Variants in GTF2B observed in about 807,000 individuals in gnomAD.
GTF2B encodes the protein transcription initiation factor IIB.
A neutral mutation model predicts 34.6 loss-of-function variants in GTF2B; 20 were observed. The ratio of observed to expected loss-of-function variants is 0.58; its 90% confidence interval spans 0.41 to 0.84. GTF2B has a LOEUF of 0.84. Ranked by LOEUF, GTF2B falls within the 40% of genes least tolerant of loss-of-function variation. GTF2B has a pLI of 0.00. For missense variants in GTF2B, 237 were observed against 393.3 expected (o/e 0.60, Z 3.36); for synonymous variants, 142 against 132.4 (o/e 1.07, Z -0.50).
At chr1:88,856,626 C>T (rs1256300567) in intron 6 of GTF2B, among the ~76,000 whole-genome samples, 1 of 151,764 alleles carries the variant, frequency 6.6e-6, no homozygotes, top group Non-Finnish European at 1.5e-5. Flanking sequence ...GGAATATATT[C>T]AGGGAGAAAA....
intron 2 of GTF2B, among the ~76,000 whole-genome samples, chr1:88,866,992 T>C (rs1476553920): frequency 1.3e-5 from 2 of 152,174 alleles, no homozygotes; most frequent in South Asian, 2.1e-4. Flanking sequence ...TAAACATCAC[T>C]AAACTTAGGA....
intron 1 of GTF2B, among the ~76,000 whole-genome samples, chr1:88,889,580 T>C (rs1022387861): frequency 6.6e-6 from 1 of 152,246 alleles, no homozygotes; most frequent in Non-Finnish European, 1.5e-5. Flanking sequence ...GCTCAGAGAA[T>C]GATTTGCCTG....
At chr1:88,871,146 CA>C (rs1673685865) in intron 2 of GTF2B, among the ~76,000 whole-genome samples, 1 of 152,124 alleles carries the variant, frequency 6.6e-6, no homozygotes, top group South Asian at 2.1e-4. Context: ...ATGTTATCCG[CA>C]AACATTGGCC....
intron 2 of GTF2B, among the ~76,000 whole-genome samples, chr1:88,881,585 T>C (rs1426664150): frequency 6.6e-6 from 1 of 152,168 alleles, no homozygotes; most frequent in African/African-American, 2.4e-5. Flanking sequence ...CACCTGCCCT[T>C]GTTTGGTAAT....
intron 3 of GTF2B, among the ~76,000 whole-genome samples, chr1:88,862,537 C>T (rs1026305802): frequency 2.6e-5 from 4 of 152,042 alleles, no homozygotes; most frequent in African/African-American, 7.2e-5. Flanking sequence ...AGTGTTAGAA[C>T]GTCTCAAAAA....
chr1:88,857,563 TA>T lies in GTF2B; in HGVS notation c.536-77del, dbSNP rs568012893. ...TCTTAAAATCTACCATTTCTAATTA[TA>T]AACATAATATACATTCTAATTGTAA... is the stretch of plus-strand genomic sequence containing the variant. On this transcript the variant is annotated intron_variant, in intron 5 of 6. Coordinates refer to ENST00000370500, the MANE Select transcript of GTF2B (RefSeq NM_001514.6). The T allele has an allele frequency of 3.7e-4, 267 of 719,772 alleles. 3 individuals carry two copies. The South Asian group carries it at 4.7e-3, about 13-fold the overall frequency. 44.6% of individuals were successfully genotyped at this position (719,772 alleles called of 1,614,324 possible).
intron 5 of GTF2B, among the ~76,000 whole-genome samples, chr1:88,857,806 C>A (rs1039641126): frequency 1.3e-5 from 2 of 149,658 alleles, no homozygotes; most frequent in Non-Finnish European, 3.0e-5. Flanking sequence ...CTCAGCCTCC[C>A]GAGTAGCTGG....
At chr1:88,888,255 G>A (rs115821954) in intron 1 of GTF2B, among the ~76,000 whole-genome samples, 1 of 152,166 alleles carries the variant, frequency 6.6e-6, no homozygotes, top group African/African-American at 2.4e-5. Flanking sequence ...AGTATTTGTG[G>A]TTTGGGGTAA....
chr1:88,877,832 G>C (rs935663617), intron 2 of GTF2B, among the ~76,000 whole-genome samples: 3 of 152,236 alleles, frequency 2.0e-5, no homozygotes, highest in Admixed American at 1.3e-4. Context: ...TCAGAAGGCT[G>C]AGGAAGGAGA....
intron 2 of GTF2B, among the ~76,000 whole-genome samples, chr1:88,867,515 G>A (rs1007928780): frequency 6.6e-6 from 1 of 151,698 alleles, no homozygotes; most frequent in African/African-American, 2.4e-5. Flanking sequence ...AAATAACCGT[G>A]GCCTTCAAAC....
chr1:88,857,621 T>A, intron 5 of GTF2B, 134 bp from the exon 6 acceptor site: 1 of 539,794 alleles, frequency 1.9e-6, no homozygotes, highest in Non-Finnish European at 3.3e-6. Context: ...GATGAAACCC[T>A]AATCATCTCA....
At chr1:88,877,908 G>T (rs1673850633) in intron 2 of GTF2B, among the ~76,000 whole-genome samples, 1 of 152,214 alleles carries the variant, frequency 6.6e-6, no homozygotes, top group South Asian at 2.1e-4. Context: ...TCCTGCCTGG[G>T]CGACAGAGCG....
chr1:88,860,187 C>A lies in GTF2B; in HGVS notation c.358G>T (p.Glu120Ter), dbSNP rs1673402831. Residue 120 changes from glutamate to a stop codon, truncating the protein, a stop_gained, in exon 4 of 7, where the codon GAA (glutamate) becomes TAA (stop). Transcript: ENST00000370500. LOFTEE classifies it high-confidence loss of function. ...SDRAMMNAFK[E>*]ITTMADRINL... ...ATTCTGTCTGCCATGGTAGTGATTTCTTTGAATGCATTCATCATTGCCCGA... is the reference window on the plus strand; with the variant it reads ...ATTCTGTCTGCCATGGTAGTGATTTATTTGAATGCATTCATCATTGCCCGA... 1 of 1,613,866 alleles carries A rather than the reference C, an allele frequency of 6.2e-7. No homozygotes were observed. Among genetic ancestry groups the A allele is most frequent in the Non-Finnish European group, 8.5e-7 (1 of 1,179,864 alleles).
chr1:88,884,132 A>G (rs1416999686), intron 2 of GTF2B, among the ~76,000 whole-genome samples: 2 of 151,196 alleles, frequency 1.3e-5, no homozygotes, highest in Non-Finnish European at 2.9e-5. Flanking sequence ...GGTTCAAACA[A>G]TTCTCTGCCT....
intron 2 of GTF2B, among the ~76,000 whole-genome samples, chr1:88,865,877 A>AAAAC (rs146788070): frequency 1.3e-5 from 2 of 150,480 alleles, no homozygotes; most frequent in African/African-American, 5.0e-5. Context: ...AACAAACAAA[A>AAAAC]ATTAATCTCC....
intron 2 of GTF2B, among the ~76,000 whole-genome samples, chr1:88,879,610 T>C (rs543892927): frequency 1.4e-5 from 2 of 147,674 alleles, no homozygotes; most frequent in South Asian, 2.1e-4. Context: ...GTAATAGTAA[T>C]GGGCTCTCTT....
At position 88,887,076 on chromosome 1, in the gene GTF2B, G is replaced by A. The variant is rs1019032527; in HGVS notation, c.124+185C>T. 5.3e-4 allele frequency among the ~76,000 whole-genome samples: 81 copies of A among 151,978 alleles called. 2 individuals carry two copies. The highest frequency in any genetic ancestry group is 1.9e-4 in the East Asian group (1 of 5,168). ...TGGGATTACAGGTGCCCACCACTAC[G>A]CCCGGCTAGTTTTTGTATTTTCAGT... On this transcript the variant is annotated intron_variant, in intron 2 of 6. Transcript: ENST00000370500.
At chr1:88,873,182 G>GTTTTTTTTTT (rs869087763) in intron 2 of GTF2B, among the ~76,000 whole-genome samples, 1 of 100,448 alleles carries the variant, frequency 1.0e-5, no homozygotes, top group Non-Finnish European at 1.9e-5. Context: ...ATTCCATTAA[G>GTTTTTTTTTT]TTTTTTTTTT....
chr1:88,858,054 G>T (rs1389052890), intron 5 of GTF2B, among the ~76,000 whole-genome samples: 2 of 151,804 alleles, frequency 1.3e-5, no homozygotes, highest in African/African-American at 4.8e-5. Flanking sequence ...CGTCCAGACT[G>T]GAGTGCAGTG....
Sources: allele counts gnomAD v4.1 joint callset (sites outside exome capture counted in the v4.1 genomes callset), GRCh38; gene constraint gnomAD v4.1.1; transcripts MANE v1.5; gene names NCBI Gene and HGNC (gene_info 2026-07-23, HGNC 2026-07-21).